PCDHGB1: variants seen among roughly 807,000 people sequenced by gnomAD.
PCDHGB1 encodes protocadherin gamma subfamily B, 1.
Under a neutral mutation model 56.6 loss-of-function variants are expected in PCDHGB1, and 34 were observed. That is an observed-to-expected ratio of 0.60 (90% CI 0.46 to 0.80). PCDHGB1 has a LOEUF of 0.80. Ranked by LOEUF, PCDHGB1 falls within the 30% of genes least tolerant of loss-of-function variation. The probability of loss-of-function intolerance (pLI) is 0.00; values close to 1 mark genes in which losing one functional copy is unlikely to be tolerated. For synonymous variants in PCDHGB1, 561 were observed against 505.9 expected, an observed-to-expected ratio of 1.11 and a Z score of -1.46; for missense variants, 1,278 against 1,204.6, an observed-to-expected ratio of 1.06 and a Z score of -0.90.
At chr5:141,415,573 G>A (rs375863243) in intron 1 of PCDHGB1, 68 of 1,613,906 alleles carry the variant, frequency 4.2e-5, no homozygotes, top group Non-Finnish European at 1.2e-5. Flanking sequence ...TTTGTTAGAT[G>A]ATTCGAAGTT....
Position 141,388,273 on chromosome 5 carries a change from C to T in PCDHGB1, c.2409+35604C>T. On this transcript the variant is annotated intron_variant, in intron 1 of 3. Coordinates refer to ENST00000523390, the MANE Select transcript of PCDHGB1 (RefSeq NM_018922.3). ...GAGATCGAGGACATTAATGACCACA[C>T]GCCAAAATTCACGCAAAATTCCTTT... The T allele has an allele frequency of 3.1e-6, 5 of 1,597,470 alleles. No homozygotes were observed. Among genetic ancestry groups the T allele is most frequent in the Non-Finnish European group, 4.3e-6 (5 of 1,172,964 alleles).
intron 1 of PCDHGB1, chr5:141,361,685 A>G (rs1554077900): frequency 9.3e-6 from 15 of 1,613,570 alleles, no homozygotes; most frequent in Non-Finnish European, 1.2e-5. Context: ...GTGTTCGCGC[A>G]GCGCGCCTTC....
chr5:141,477,482 C>G lies in PCDHGB1; in HGVS notation c.2410-17325C>G, dbSNP rs1168724444. On this transcript the variant is annotated intron_variant, in intron 1 of 3. Transcript: ENST00000523390. This position sits in a 1 kb window ranked among gnomAD's most constrained non-coding sequence, Gnocchi z 4.9. ...GTCCGACATCAATGACAACCCTCCA[C>G]AATCTTCTCAATCTTCCTACGACGT... 1 of 1,614,118 alleles carries G rather than the reference C, an allele frequency of 6.2e-7. No individual in the cohort carries two copies. The highest frequency in any genetic ancestry group is 1.1e-5 in the South Asian group (1 of 91,074).
At chr5:141,425,209 A>ATCAT (rs1368049572) in intron 1 of PCDHGB1, among the ~76,000 whole-genome samples, 2 of 152,180 alleles carry the variant, frequency 1.3e-5, no homozygotes, top group Admixed American at 1.3e-4. Flanking sequence ...GATGTAAGGC[A>ATCAT]TTGTACTTTG....
intron 1 of PCDHGB1, chr5:141,361,176 T>A (rs2149821588): frequency 6.2e-7 from 1 of 1,613,882 alleles, no homozygotes; most frequent in Non-Finnish European, 8.5e-7. Flanking sequence ...CACCTGAAGT[T>A]ATTGTGACTT....
intron 1 of PCDHGB1, among the ~76,000 whole-genome samples, chr5:141,386,999 C>T (rs2090777000): frequency 6.6e-6 from 1 of 152,224 alleles, no homozygotes; most frequent in Middle Eastern, 3.4e-3. Context: ...GTATTATCCC[C>T]CTGATAACTT....
At chr5:141,403,143 T>A in intron 1 of PCDHGB1, 1 of 1,613,850 alleles carries the variant, frequency 6.2e-7, no homozygotes, top group Non-Finnish European at 8.5e-7. Flanking sequence ...GAGCGCCGAG[T>A]CCGCATCGTC....
At chr5:141,449,282 G>A (rs1285842278) in intron 1 of PCDHGB1, among the ~76,000 whole-genome samples, 17 of 152,002 alleles carry the variant, frequency 1.1e-4, no homozygotes, top group Admixed American at 4.6e-4. Context: ...CCTTCACCCG[G>A]ATGCACCGGG....
At chr5:141,372,987 AGT>A in intron 1 of PCDHGB1, 1 of 640,932 alleles carries the variant, frequency 1.6e-6, no homozygotes, top group Non-Finnish European at 2.6e-6. Flanking sequence ...TCTGTGTTGC[AGT>A]TGTTCTTTCA....
rs2099884413 is a variant in PCDHGB1, at chr5:141,512,781, G to A, written c.*1608G>A. ...CCTTGATCTGCCCGCGGCGGCCCGT[G>A]TTGTGTTTTGTGCTGTGTCCACGCG... is the stretch of plus-strand genomic sequence containing the variant. On this transcript the variant is annotated 3_prime_UTR_variant, in exon 4 of 4. Transcript: ENST00000523390. 1 of 152,534 alleles carries A rather than the reference G, an allele frequency of 6.6e-6. No individual in the cohort carries two copies. Among genetic ancestry groups the A allele is most frequent in the African/African-American group, 2.4e-5 (1 of 41,444 alleles). 9.4% of individuals were successfully genotyped at this position (152,534 alleles called of 1,614,324 possible). A position where few individuals can be genotyped will look rare whatever the true frequency, so the allele number is the denominator to read the frequency against.
chr5:141,418,810 A>G lies in PCDHGB1; in HGVS notation c.2409+66141A>G, dbSNP rs149866479. The G allele has an allele frequency of 4.9e-3, 7,975 of 1,613,892 alleles. 44 individuals carry two copies. Among genetic ancestry groups the G allele is most frequent in the Admixed American group, 9.4e-3 (567 of 60,018 alleles). On this transcript the variant is annotated intron_variant, in intron 1 of 3. Coordinates refer to ENST00000523390, the MANE Select transcript of PCDHGB1 (RefSeq NM_018922.3). ...TTGAAGAAGTAGAAAGATATACGAT[A>G]AACATAGAAGCAAAAGACCGAGGAT...
intron 1 of PCDHGB1, chr5:141,419,312 G>A (rs35892780): frequency 1.2e-6 from 2 of 1,613,962 alleles, no homozygotes; most frequent in South Asian, 2.2e-5. Context: ...CGGGCTCAAC[G>A]GCCGTGTCTC....
At position 141,380,476 on chromosome 5, in the gene PCDHGB1, TC is replaced by T. The variant is rs534346627; in HGVS notation, c.2409+27810del. Among the ~76,000 whole-genome samples the T allele has an allele frequency of 1.1e-4, 16 of 152,316 alleles. No homozygotes were observed. The South Asian group carries it at 3.1e-3, about 30-fold the overall frequency. ...CAACCAAACAAATGGTCAGGATTCT[TC>T]CCAATATCTCAGTCAACAATAATAT... is the stretch of plus-strand genomic sequence containing the variant. On this transcript the variant is annotated intron_variant, in intron 1 of 3. Transcript: ENST00000523390.
intron 1 of PCDHGB1, chr5:141,427,524 C>T (rs1421119651): frequency 1.6e-6 from 1 of 610,726 alleles, no homozygotes; most frequent in South Asian, 1.5e-5. Flanking sequence ...GGAGCGGATC[C>T]CGGAGTACAA....
At chr5:141,397,753 A>G (rs1052800196) in intron 1 of PCDHGB1, among the ~76,000 whole-genome samples, 9 of 152,266 alleles carry the variant, frequency 5.9e-5, no homozygotes, top group African/African-American at 9.6e-5. Flanking sequence ...AGAAGTTGTT[A>G]TAATTTTTTA....
chr5:141,403,259 C>G, intron 1 of PCDHGB1: 1 of 1,613,866 alleles, frequency 6.2e-7, no homozygotes, highest in South Asian at 1.1e-5. Context: ...CCCGCGGTGT[C>G]TGGTGAACTT....
At chr5:141,426,665 T>A in intron 1 of PCDHGB1, 1 of 429,940 alleles carries the variant, frequency 2.3e-6, no homozygotes, top group South Asian at 1.6e-5. Context: ...ATATAAATGA[T>A]AACCCACCTC....
In PCDHGB1 at chr5:141,491,893, G is replaced by C. The variant is rs2099734820; in HGVS notation, c.2410-2914G>C. The C allele has an allele frequency of 6.9e-7, 1 of 1,438,856 alleles. No individual in the cohort carries two copies. The highest frequency in any genetic ancestry group is 9.2e-7 in the Non-Finnish European group (1 of 1,088,104). 89.1% of individuals were successfully genotyped at this position (1,438,856 alleles called of 1,614,324 possible). A position where few individuals can be genotyped will look rare whatever the true frequency, so the allele number is the denominator to read the frequency against. ...GGCCGATTAAGGGATGGGGCTCCGA[G>C]CACCGGGGGTGGTGGCGACTGTGGG... On this transcript the variant is annotated intron_variant, in intron 1 of 3. Coordinates refer to ENST00000523390, the MANE Select transcript of PCDHGB1 (RefSeq NM_018922.3). The surrounding 1 kb of genome is among the most constrained non-coding windows in gnomAD (Gnocchi z 6.9).
At chr5:141,392,559 A>T in intron 1 of PCDHGB1, 2 of 384,544 alleles carry the variant, frequency 5.2e-6, no homozygotes, top group Non-Finnish European at 4.6e-6. Context: ...ATCTCAGTGC[A>T]GTAACTATTT....
Sources: gnomAD v4.1 joint callset for allele counts (sites outside exome capture counted in the v4.1 genomes callset) on GRCh38, gnomAD v4.1.1 for gene constraint, Gnocchi (gnomAD v3.1) non-coding constraint, MANE v1.5 for transcripts, NCBI Gene and HGNC (gene_info 2026-07-23, HGNC 2026-07-21) for gene names.